IKZF1: variants seen among roughly 807,000 people sequenced by gnomAD.
IKZF1 encodes DNA-binding protein Ikaros.
Under a neutral mutation model 51.7 loss-of-function variants are expected in IKZF1, and 10 were observed. The observed-to-expected ratio is 0.19, with a 90% CI of 0.12 to 0.33. The LOEUF is 0.33. Among genes scored for constraint, IKZF1 ranks in the 10% least tolerant of loss-of-function variants. IKZF1 has a pLI of 1.00. For synonymous variants in IKZF1, 280 were observed against 282.3 expected (o/e 0.99, Z 0.08); for missense variants, 484 against 707.5 (o/e 0.68, Z 3.58).
rs1280271753 is a variant in IKZF1 at position 50,404,469 on chromosome 7, C to T, written c.*3842C>T. The T allele has an allele frequency of 8.7e-6, 2 of 229,374 alleles. No homozygotes were observed. Among genetic ancestry groups the T allele is most frequent in the African/African-American group, 2.2e-5 (1 of 45,120 alleles). The allele number at this position is 229,374 out of a possible 1,614,324, so 14.2% of individuals were successfully genotyped here. A position where few individuals can be genotyped will look rare whatever the true frequency, so the allele number is the denominator to read the frequency against. ...CCCTATCCCGTGAAGTCCACACTGG[C>T]GTAAGAGAAGGCCCAGCAGAGCAGG... On this transcript the variant is annotated 3_prime_UTR_variant, in exon 8 of 8. Transcript: ENST00000331340.
chr7:50,396,909 C>T (rs1816855579), intron 7 of IKZF1, among the ~76,000 whole-genome samples: 3 of 152,218 alleles, frequency 2.0e-5, no homozygotes. Flanking sequence ...GGCTTTGGGC[C>T]ATCTTCCCCT....
chr7:50,325,278 C>CCCAAA (rs1794632580), intron 2 of IKZF1, among the ~76,000 whole-genome samples: 1 of 93,658 alleles, frequency 1.1e-5, no homozygotes, highest in Non-Finnish European at 2.0e-5. Flanking sequence ...CCGCTGCCAC[C>CCCAAA]AAAAAAAAAA....
intron 1 of IKZF1, among the ~76,000 whole-genome samples, chr7:50,306,588 G>C (rs550742126): frequency 6.6e-6 from 1 of 152,340 alleles, no homozygotes; most frequent in Admixed American, 6.5e-5. Context: ...GTCTGGATGT[G>C]TTAGGTTTGA....
chr7:50,325,252 C>T (rs1472524840), intron 2 of IKZF1, among the ~76,000 whole-genome samples: 1 of 122,526 alleles, frequency 8.2e-6, no homozygotes, highest in Non-Finnish European at 1.7e-5. Context: ...TACCCCCACA[C>T]CCACCCCCCA....
rs540256539 is a variant in IKZF1 at position 50,313,813 on chromosome 7, T to C, written c.-14-5235T>C. Among the ~76,000 whole-genome samples the C allele has an allele frequency of 5.9e-5, 9 of 152,358 alleles. No individual in the cohort carries two copies. The East Asian group carries it at 1.7e-3, about 29-fold the overall frequency. The stretch of plus-strand genomic sequence containing the variant: ...TGAATTCTAGCTCTACATTGGACAC[T>C]ATGCCAGGTGCTCAAATAAACAAGT... On this transcript the variant is annotated intron_variant, in intron 1 of 7. Coordinates refer to ENST00000331340, the MANE Select transcript of IKZF1 (RefSeq NM_006060.6).
chr7:50,354,472 T>C (rs778727641), intron 3 of IKZF1, among the ~76,000 whole-genome samples: 1 of 152,212 alleles, frequency 6.6e-6, no homozygotes, highest in Non-Finnish European at 1.5e-5. Context: ...GGGCTCTGGG[T>C]GCCCCCGTTA....
chr7:50,386,449 A>G (rs1210283366), intron 5 of IKZF1, among the ~76,000 whole-genome samples: 2 of 152,250 alleles, frequency 1.3e-5, no homozygotes, highest in Non-Finnish European at 2.9e-5. Flanking sequence ...GCACTAATAG[A>G]GAGCATTTCT....
At chr7:50,320,663 A>G (rs1357280598) in intron 2 of IKZF1, among the ~76,000 whole-genome samples, 1 of 152,180 alleles carries the variant, frequency 6.6e-6, no homozygotes, top group Non-Finnish European at 1.5e-5. Flanking sequence ...GTTAGTTTCC[A>G]CATGTGAGTG....
In IKZF1 at chr7:50,366,043, A is replaced by T. The variant is rs543972669; in HGVS notation, c.161-10490A>T. On this transcript the variant is annotated intron_variant, in intron 3 of 7. Transcript: ENST00000331340. The stretch of plus-strand genomic sequence containing the variant: ...CCCAGGAACAGAAAACCAAGTGCAG[A>T]TGTTCTCACTTTTAAGTGTGAGCTG... Among the ~76,000 whole-genome samples the T allele has an allele frequency of 2.6e-5, 4 of 152,324 alleles. No individual in the cohort carries two copies. In the East Asian group the frequency reaches 7.7e-4, roughly 29 times the overall value.
intron 3 of IKZF1, among the ~76,000 whole-genome samples, chr7:50,365,212 G>A (rs578081855): frequency 6.6e-6 from 1 of 152,302 alleles, no homozygotes; most frequent in East Asian, 1.9e-4. Flanking sequence ...ATTTGCTGTT[G>A]TACATAATTA....
chr7:50,339,215 T>TTATGTGTGTG (rs1199222417), intron 3 of IKZF1, among the ~76,000 whole-genome samples: 1 of 126,404 alleles, frequency 7.9e-6, no homozygotes, highest in East Asian at 2.3e-4. Context: ...TTGGGTAGGG[T>TTATGTGTGTG]TGTGTGTGTG....
intron 5 of IKZF1, among the ~76,000 whole-genome samples, chr7:50,383,873 T>C (rs1812576978): frequency 6.6e-6 from 1 of 152,248 alleles, no homozygotes; most frequent in African/African-American, 2.4e-5. Flanking sequence ...CCAAATGTGA[T>C]GCGTGTATTT....
chr7:50,331,439 A>C, intron 3 of IKZF1, among the ~76,000 whole-genome samples: 1 of 93,618 alleles, frequency 1.1e-5, no homozygotes, highest in East Asian at 2.5e-4. Flanking sequence ...TAAAAGATGC[A>C]AAAAAAAAAA....
intron 7 of IKZF1, among the ~76,000 whole-genome samples, chr7:50,393,305 G>A (rs978866506): frequency 3.3e-5 from 5 of 152,126 alleles, no homozygotes; most frequent in African/African-American, 1.2e-4. Flanking sequence ...TTTTTGACGT[G>A]TTGATTTTCA....
At chr7:50,330,751 A>G (rs534910650) in intron 3 of IKZF1, among the ~76,000 whole-genome samples, 2 of 152,348 alleles carry the variant, frequency 1.3e-5, no homozygotes, top group East Asian at 3.9e-4. Context: ...TGGGTACCAT[A>G]TTTCATCACA....
chr7:50,390,415 G>T (rs762215444), intron 6 of IKZF1, among the ~76,000 whole-genome samples: 31 of 152,134 alleles, frequency 2.0e-4, no homozygotes, highest in Non-Finnish European at 4.4e-4. Flanking sequence ...ATATATGTTT[G>T]CCCATTTAAT....
chr7:50,377,027 A>C, intron 4 of IKZF1: 1 of 641,870 alleles, frequency 1.6e-6, no homozygotes, highest in Non-Finnish European at 2.6e-6. Context: ...AAACAAGGGA[A>C]AAGTGAACAG....
At chr7:50,352,581 A>G (rs1387283068) in intron 3 of IKZF1, among the ~76,000 whole-genome samples, 4 of 152,196 alleles carry the variant, frequency 2.6e-5, no homozygotes, top group African/African-American at 9.6e-5. Flanking sequence ...AATAATGTCA[A>G]TGGGACGGGA....
At chr7:50,324,491 T>C (rs2153376878) in intron 2 of IKZF1, among the ~76,000 whole-genome samples, 1 of 152,326 alleles carries the variant, frequency 6.6e-6, no homozygotes, top group Middle Eastern at 3.4e-3. Context: ...TCTCCCCATG[T>C]GGTTTCTTCT....
Sources: gnomAD v4.1 joint callset for allele counts (sites outside exome capture counted in the v4.1 genomes callset) on GRCh38, gnomAD v4.1.1 for gene constraint, MANE v1.5 for transcripts, NCBI Gene and HGNC (gene_info 2026-07-23, HGNC 2026-07-21) for gene names.